The following LAMA2 variants were observed in gnomAD, a reference collection of about 807,000 sequenced individuals.
The protein encoded by LAMA2 is laminin subunit alpha 2.
A neutral mutation model predicts 364.8 loss-of-function variants in LAMA2; 269 were observed. The observed-to-expected ratio is 0.74, with a 90% CI of 0.67 to 0.82. The LOEUF (loss-of-function observed/expected upper bound fraction) is 0.82. LAMA2 is among the 40% of genes least tolerant of loss of function. The pLI is 0.00. For missense variants in LAMA2, 3,807 were observed against 3,873.2 expected (o/e 0.98, Z 0.45); for synonymous variants, 1,379 against 1,370.6 (o/e 1.01, Z -0.14).
chr6:129,330,746 T>C (rs1775598542), intron 29 of LAMA2, among the ~76,000 whole-genome samples: 1 of 152,068 alleles, frequency 6.6e-6, no homozygotes. Context: ...ACCAGCTTAA[T>C]AGTCATGATC....
chr6:129,053,902 A>G (rs1202736156), intron 2 of LAMA2, among the ~76,000 whole-genome samples: 2 of 152,180 alleles, frequency 1.3e-5, no homozygotes, highest in Non-Finnish European at 2.9e-5. Flanking sequence ...GAGACATTTG[A>G]GTTGGTTTAG....
intron 32 of LAMA2, among the ~76,000 whole-genome samples, chr6:129,357,408 A>G (rs1777207472): frequency 6.6e-6 from 1 of 152,074 alleles, no homozygotes; most frequent in Non-Finnish European, 1.5e-5. Flanking sequence ...CATTTTATAA[A>G]TATCAAATTG....
chr6:129,490,988 A>T (rs1784831814), intron 56 of LAMA2: 1 of 152,066 alleles, frequency 6.6e-6, no homozygotes, highest in Non-Finnish European at 1.5e-5. Context: ...CCAGTTCTAC[A>T]TGTGGTTTTA....
intron 23 of LAMA2, among the ~76,000 whole-genome samples, chr6:129,314,398 C>CAAAA (rs3062342): frequency 0.31 from 25,601 of 81,294 alleles, 4,900 homozygotes; most frequent in Non-Finnish European, 0.4. Flanking sequence ...GACTCCGTCT[C>CAAAA]AAAAAAAAAA....
chr6:129,173,108 T>C (rs1780325225), intron 9 of LAMA2, among the ~76,000 whole-genome samples: 1 of 152,136 alleles, frequency 6.6e-6, no homozygotes, highest in East Asian at 1.9e-4. Flanking sequence ...GTACCTCAGA[T>C]GGAAATGCAG....
chr6:128,990,002 C>T (rs1296236685), intron 1 of LAMA2, among the ~76,000 whole-genome samples: 1 of 152,100 alleles, frequency 6.6e-6, no homozygotes, highest in Non-Finnish European at 1.5e-5. Flanking sequence ...GATTAGGTTT[C>T]AACATATGAA....
chr6:129,177,300 C>A (rs1780654331), intron 9 of LAMA2, among the ~76,000 whole-genome samples: 1 of 152,104 alleles, frequency 6.6e-6, no homozygotes, highest in South Asian at 2.1e-4. Context: ...GGCTACTTTG[C>A]ACCTGTAATA....
intron 39 of LAMA2, 95 bp from the exon 40 acceptor site, chr6:129,403,726 T>A: frequency 2.6e-6 from 3 of 1,138,952 alleles, no homozygotes; most frequent in Non-Finnish European, 4.0e-6. Context: ...ATATTGGCCA[T>A]GATCATTTGG....
intron 40 of LAMA2, among the ~76,000 whole-genome samples, chr6:129,422,260 G>T (rs944784284): frequency 6.6e-6 from 1 of 151,926 alleles, no homozygotes; most frequent in Non-Finnish European, 1.5e-5. Context: ...AAGGATCCAG[G>T]AAGAAATCAC....
chr6:129,340,453 TGTC>T (rs1167918589), intron 29 of LAMA2, among the ~76,000 whole-genome samples: 2 of 151,890 alleles, frequency 1.3e-5, no homozygotes, highest in African/African-American at 2.4e-5. Flanking sequence ...CGGAAACAAA[TGTC>T]AAAGGGATGG....
At position 129,097,888 on chromosome 6, in the gene LAMA2, A is replaced by T. The variant is rs192804434; in HGVS notation, c.397-285A>T. 8.5e-5 allele frequency among the ~76,000 whole-genome samples: 13 copies of T among 152,350 alleles called. No individual in the cohort carries two copies. The South Asian group carries it at 1.4e-3, about 17-fold the overall frequency. On this transcript the variant is annotated intron_variant, in intron 3 of 64. Transcript: ENST00000421865. ...ATAAATGTTTTAGGTGGTAATAATT[A>T]TAATGGAACTTTAAACATCAGGTGA... is the stretch of plus-strand genomic sequence containing the variant.
chr6:129,153,427 G>A (rs1412395884), intron 7 of LAMA2, among the ~76,000 whole-genome samples: 1 of 152,192 alleles, frequency 6.6e-6, no homozygotes, highest in Non-Finnish European at 1.5e-5. Context: ...AAAATAGCAT[G>A]ATCTTAGCCA....
chr6:128,920,445 C>T (rs1011788297), intron 1 of LAMA2, among the ~76,000 whole-genome samples: 3 of 152,000 alleles, frequency 2.0e-5, no homozygotes, highest in South Asian at 4.1e-4. Flanking sequence ...CGTGAGCCAC[C>T]GTGCCGGTCC....
At chr6:129,164,696 C>T (rs1779632323) in intron 8 of LAMA2, among the ~76,000 whole-genome samples, 1 of 152,176 alleles carries the variant, frequency 6.6e-6, no homozygotes, top group Admixed American at 6.5e-5. Flanking sequence ...CACCTGAAAA[C>T]TCTTCTCACC....
At chr6:129,232,843 GA>G (rs1423449348) in intron 12 of LAMA2, among the ~76,000 whole-genome samples, 1 of 152,138 alleles carries the variant, frequency 6.6e-6, no homozygotes. Context: ...GGGTCAGAGT[GA>G]TGAAACAATG....
chr6:129,503,229 G>A lies in LAMA2; in HGVS notation c.8496G>A (p.Gly2832=), dbSNP rs762872343. The A allele has an allele frequency of 3.7e-6, 6 of 1,613,916 alleles. No homozygotes were observed. Among genetic ancestry groups the A allele is most frequent in the Non-Finnish European group, 5.1e-6 (6 of 1,179,986 alleles). The part of the protein sequence containing the change: ...LPYFSYDLGS[G]DTHTMIPTKI... ...ACTTCAGCTATGACTTGGGGAGTGG[G>A]GACACCCACACCATGATCCCCACCA... Residue 2832 remains glycine (G), a synonymous_variant, in exon 60 of 65, where the codon GGG becomes GGA. Coordinates refer to ENST00000421865, the MANE Select transcript of LAMA2 (RefSeq NM_000426.4).
chr6:129,052,582 C>T (rs76943502), intron 2 of LAMA2, among the ~76,000 whole-genome samples: 3 of 152,190 alleles, frequency 2.0e-5, no homozygotes, highest in Non-Finnish European at 4.4e-5. Flanking sequence ...TACCAAAATC[C>T]CCCTCCAGAG....
intron 4 of LAMA2, among the ~76,000 whole-genome samples, chr6:129,115,072 C>T (rs1211736946): frequency 6.6e-6 from 1 of 151,798 alleles, no homozygotes; most frequent in African/African-American, 2.4e-5. Flanking sequence ...CTATTTTTTT[C>T]ATTTCACCCT....
Position 129,503,142 on chromosome 6 carries a change from T to G in LAMA2, c.8409T>G (p.Phe2803Leu), listed in dbSNP as rs1347838307. 1 of 1,614,224 alleles carries G rather than the reference T, an allele frequency of 6.2e-7. No individual in the cohort carries two copies. Among genetic ancestry groups the G allele is most frequent in the South Asian group, 1.1e-5 (1 of 91,088 alleles). ...CCGAAGCTGAATCCGGCTTGCTTTT[T>G]TACATGGCTCGCATCAATCATGCTG... is the stretch of plus-strand genomic sequence containing the variant. ...VRTEAESGLLFYMARINHADF... is the reference protein window; with the variant it reads ...VRTEAESGLLLYMARINHADF... Residue 2803 changes from phenylalanine to leucine, a missense_variant, in exon 60 of 65, where the codon TTT (phenylalanine) becomes TTG (leucine). By Grantham distance (22) the Phe-to-Leu change is conservative (BLOSUM62 0). Around this residue, in one of 3 missense-constraint regions of LAMA2, gnomAD observed 3,333 missense variants for 3,345.7 expected, o/e 1.00. Coordinates refer to ENST00000421865, the MANE Select transcript of LAMA2 (RefSeq NM_000426.4).
Sources: allele counts gnomAD v4.1 joint callset (sites outside exome capture counted in the v4.1 genomes callset), GRCh38; gene constraint gnomAD v4.1.1; regional missense constraint gnomAD v4.1.1; transcripts MANE v1.5; gene names NCBI Gene and HGNC (gene_info 2026-07-23, HGNC 2026-07-21).